ABHD3: variants seen among roughly 807,000 people sequenced by gnomAD.
ABHD3 encodes the protein phospholipase ABHD3.
ABHD3 carries 46 observed loss-of-function variants against 48.8 expected under a neutral mutation model. That is an observed-to-expected ratio of 0.94 (90% CI 0.74 to 1.20). The LOEUF (loss-of-function observed/expected upper bound fraction) is 1.20, where lower values mean the gene tolerates loss of function less well. ABHD3 is among the 50% of genes most tolerant of loss of function. The pLI is 0.00. For synonymous variants in ABHD3, 192 were observed against 183.7 expected, an observed-to-expected ratio of 1.04 and a Z score of -0.36; for missense variants, 490 against 497.8, an observed-to-expected ratio of 0.98 and a Z score of 0.15.
At chr18:21,655,195 ATATGTGTTATG>A (rs1311307776) in intron 8 of ABHD3, 1 of 152,032 alleles carries the variant, frequency 6.6e-6, no homozygotes, top group African/African-American at 2.4e-5. Flanking sequence ...ATTTCACAAC[ATATGTGTTATG>A]TTTATAGTCA....
In ABHD3 at chr18:21,704,628, C is replaced by T. The variant is rs760511170; in HGVS notation, c.38G>A (p.Arg13Gln). 11 of 1,548,702 alleles carry T rather than the reference C, an allele frequency of 7.1e-6. No homozygotes were observed. The highest frequency in any genetic ancestry group is 8.7e-6 in the Non-Finnish European group (10 of 1,149,750). The stretch of plus-strand genomic sequence containing the variant: ...GTGTTCCAGGTAGAGGGAGAGCTCC[C>T]GGGACAACATCCGCAGGTCCATGGC... ...RLAMDLRMLS[R>Q]ELSLYLEHQV... is the part of the protein sequence containing the mutation. The change falls in exon 1 of 9, where the codon CGG becomes CAG. Residue 13 changes from arginine (R) to glutamine (Q), a missense_variant. Transcript: ENST00000289119.
intron 4 of ABHD3, among the ~76,000 whole-genome samples, chr18:21,681,751 C>T (rs1242860050): frequency 6.6e-6 from 1 of 152,170 alleles, no homozygotes; most frequent in African/African-American, 2.4e-5. Flanking sequence ...AACATAAGCA[C>T]ATAGATCACC....
At chr18:21,686,167 A>G (rs940924115) in intron 3 of ABHD3, among the ~76,000 whole-genome samples, 4 of 152,242 alleles carry the variant, frequency 2.6e-5, no homozygotes, top group Non-Finnish European at 4.4e-5. Context: ...TAAACTGTAA[A>G]TACATACAGA....
intron 3 of ABHD3, among the ~76,000 whole-genome samples, chr18:21,687,521 A>C (rs1385794536): frequency 6.6e-6 from 1 of 152,120 alleles, no homozygotes; most frequent in Non-Finnish European, 1.5e-5. Context: ...GCCTCTGTTA[A>C]ACTTCTGTAA....
intron 5 of ABHD3, among the ~76,000 whole-genome samples, chr18:21,662,621 C>T (rs1024897604): frequency 9.9e-5 from 15 of 152,096 alleles, no homozygotes; most frequent in African/African-American, 3.6e-4. Flanking sequence ...ACTGTTTTTG[C>T]GTGTTGCATC....
At chr18:21,654,272 C>G (rs898504734) in intron 8 of ABHD3, among the ~76,000 whole-genome samples, 1 of 152,024 alleles carries the variant, frequency 6.6e-6, no homozygotes, top group African/African-American at 2.4e-5. Context: ...ACAACTTGGG[C>G]TGAGTTTTAG....
At chr18:21,661,318 TTTTG>T (rs2039489835) in intron 5 of ABHD3, among the ~76,000 whole-genome samples, 1 of 152,058 alleles carries the variant, frequency 6.6e-6, no homozygotes, top group African/African-American at 2.4e-5. Context: ...AGTAATATGG[TTTTG>T]TTTTTTTGTT....
At chr18:21,658,640 A>G (rs1304548608) in intron 6 of ABHD3, among the ~76,000 whole-genome samples, 1 of 152,222 alleles carries the variant, frequency 6.6e-6, no homozygotes, top group Non-Finnish European at 1.5e-5. Flanking sequence ...GGAAAACATT[A>G]CAACTTTTAG....
intron 4 of ABHD3, among the ~76,000 whole-genome samples, chr18:21,665,638 CCT>C (rs1187773090): frequency 6.6e-6 from 1 of 151,952 alleles, no homozygotes; most frequent in Non-Finnish European, 1.5e-5. Context: ...ACAGCGAAAC[CCT>C]GTCTCTACTA....
At chr18:21,658,196 T>TA (rs910025890) in intron 6 of ABHD3, among the ~76,000 whole-genome samples, 36 of 147,938 alleles carry the variant, frequency 2.4e-4, no homozygotes, top group Middle Eastern at 3.4e-3. Context: ...GACCCAGTCT[T>TA]AAAAAAAAAG....
At chr18:21,700,432 C>A (rs1180907595) in intron 3 of ABHD3, among the ~76,000 whole-genome samples, 3 of 140,574 alleles carry the variant, frequency 2.1e-5, no homozygotes, top group African/African-American at 8.1e-5. Flanking sequence ...GAGTTTTGCT[C>A]TTATTGCCCA....
chr18:21,700,045 A>G (rs1007426140), intron 3 of ABHD3, among the ~76,000 whole-genome samples: 1 of 151,872 alleles, frequency 6.6e-6, no homozygotes, highest in Non-Finnish European at 1.5e-5. Context: ...AGCTTATAAG[A>G]CTCAGTCCTT....
At chr18:21,687,858 G>C (rs1332936206) in intron 3 of ABHD3, among the ~76,000 whole-genome samples, 2 of 152,196 alleles carry the variant, frequency 1.3e-5, no homozygotes, top group Non-Finnish European at 2.9e-5. Flanking sequence ...ATTCTTTGTA[G>C]CAGTGCTGTC....
intron 3 of ABHD3, among the ~76,000 whole-genome samples, chr18:21,697,484 A>G (rs574213837): frequency 1.3e-5 from 2 of 152,228 alleles, no homozygotes; most frequent in South Asian, 4.1e-4. Flanking sequence ...AGTTCAAGCG[A>G]TTCTCCTGCC....
At chr18:21,658,840 T>G (rs1414786019) in intron 6 of ABHD3, among the ~76,000 whole-genome samples, 1 of 147,276 alleles carries the variant, frequency 6.8e-6, no homozygotes, top group Admixed American at 6.7e-5. Context: ...AGACAATAGT[T>G]TTTTTTTTTT....
At chr18:21,667,167 G>C (rs2039650510) in intron 4 of ABHD3, among the ~76,000 whole-genome samples, 1 of 148,430 alleles carries the variant, frequency 6.7e-6, no homozygotes, top group African/African-American at 2.5e-5. Flanking sequence ...TCTGCCTCCT[G>C]GGTTCACACC....
intron 3 of ABHD3, among the ~76,000 whole-genome samples, chr18:21,694,659 CTCT>C (rs1474690938): frequency 6.6e-6 from 1 of 152,132 alleles, no homozygotes; most frequent in African/African-American, 2.4e-5. Context: ...TCCTTTTGCC[CTCT>C]TCTAACAACT....
intron 6 of ABHD3, 33 bp downstream of exon 6, chr18:21,659,137 C>A: frequency 6.2e-7 from 1 of 1,601,006 alleles, no homozygotes. Context: ...CCGGGCCCGG[C>A]CCTGGAGACA....
chr18:21,653,077 A>AAGAAG (rs1555677347), intron 8 of ABHD3, among the ~76,000 whole-genome samples: 1 of 76,156 alleles, frequency 1.3e-5, no homozygotes, highest in Non-Finnish European at 2.3e-5. Flanking sequence ...AAAAAAAAAA[A>AAGAAG]AAAGAGCTGG....
Sources: gnomAD v4.1 joint callset for allele counts (sites outside exome capture counted in the v4.1 genomes callset) on GRCh38, gnomAD v4.1.1 for gene constraint, MANE v1.5 for transcripts, NCBI Gene and HGNC (gene_info 2026-07-23, HGNC 2026-07-21) for gene names.